CHAC2: variants seen among roughly 807,000 people sequenced by gnomAD.
The protein encoded by CHAC2 is ChaC glutathione specific gamma-glutamylcyclotransferase 2.
In CHAC2, 20 loss-of-function variants were observed where a neutral mutation model predicts 16.9. That is an observed-to-expected ratio of 1.18 (90% confidence interval 0.83 to 1.72). The LOEUF (loss-of-function observed/expected upper bound fraction) is 1.72. CHAC2 is among the 40% of genes most tolerant of loss of function. The probability of loss-of-function intolerance (pLI) is 0.00; values close to 1 mark genes in which losing one functional copy is unlikely to be tolerated. For synonymous variants in CHAC2, 91 were observed against 77.3 expected (o/e 1.18, Z -0.93); for missense variants, 269 against 222.2 (o/e 1.21, Z -1.34).
chr2:53,770,507 A>G (rs1255836853), intron 1 of CHAC2, among the ~76,000 whole-genome samples: 3 of 151,160 alleles, frequency 2.0e-5, no homozygotes, highest in Non-Finnish European at 3.0e-5. Context: ...TTAAAAAAAA[A>G]AAAAAAAAAA....
rs1417278370 is a variant in CHAC2, at chr2:53,775,024, AG to A, written c.*500del. On this transcript the variant is annotated 3_prime_UTR_variant, in exon 3 of 3. Transcript: ENST00000295304. Reference sequence around the variant, plus strand: ...TAATTGTGAATTTCCTTGTTATTCAAGTATTAAATGAAATCTTTTGAGTTTT... The same window carrying A: ...TAATTGTGAATTTCCTTGTTATTCAATATTAAATGAAATCTTTTGAGTTTT... 6.5e-6 allele frequency: 1 copy of A among 152,718 alleles called. No homozygotes were observed. The highest frequency in any genetic ancestry group is 1.5e-5 in the Non-Finnish European group (1 of 68,072). 9.5% of individuals were successfully genotyped at this position (152,718 alleles called of 1,614,324 possible). A position where few individuals can be genotyped will look rare whatever the true frequency, so the allele number is the denominator to read the frequency against.
At chr2:53,771,156 C>T (rs765994751) in intron 1 of CHAC2, among the ~76,000 whole-genome samples, 34 of 152,170 alleles carry the variant, frequency 2.2e-4, no homozygotes, top group Admixed American at 6.6e-4. Context: ...TTTTGATCCA[C>T]TAAATTTGAA....
chr2:53,768,987 A>G (rs1314644290), intron 1 of CHAC2, among the ~76,000 whole-genome samples: 2 of 152,230 alleles, frequency 1.3e-5, no homozygotes, highest in African/African-American at 2.4e-5. Context: ...AAGAACCTGA[A>G]TTAGAAACCA....
rs1279204435 is a variant in CHAC2 at position 53,774,299 on chromosome 2, T to C, written c.329T>C (p.Ile110Thr). The change falls in exon 3 of 3, where the codon ATT becomes ACT. Residue 110 changes from isoleucine to threonine, a missense_variant. Transcript: ENST00000295304. ...AAACCATTCAGTGTATTGCTATATA[T>C]TGGAACATGTGATAATCCTGATTAT... ...TTKPFSVLLY[I>T]GTCDNPDYLG... 2.5e-6 allele frequency: 4 copies of C among 1,614,080 alleles called. No individual in the cohort carries two copies. The highest frequency in any genetic ancestry group is 2.2e-5 in the South Asian group (2 of 91,028).
At chr2:53,771,884 T>G in intron 1 of CHAC2, 23 bp from the exon 2 acceptor site, 2 of 1,504,896 alleles carry the variant, frequency 1.3e-6, no homozygotes, top group Non-Finnish European at 1.8e-6. Flanking sequence ...TCAGAAAAAT[T>G]TTTTTTTACC....
chr2:53,771,013 T>C (rs1199773601), intron 1 of CHAC2, among the ~76,000 whole-genome samples: 2 of 152,238 alleles, frequency 1.3e-5, no homozygotes, highest in Non-Finnish European at 2.9e-5. Flanking sequence ...TCTTAAAGTA[T>C]GAGCCCCAGA....
At position 53,767,981 on chromosome 2, in the gene CHAC2, T is replaced by G; in HGVS notation, c.95T>G (p.Phe32Cys). 6.2e-7 allele frequency: 1 copy of G among 1,611,656 alleles called. No individual in the cohort carries two copies. Among genetic ancestry groups the G allele is most frequent in the Non-Finnish European group, 8.5e-7 (1 of 1,177,716 alleles). ...TACATCACCAACTACAGCAGGCGCTTCTGGCAGGGCAGCACGGACCACCGC... is the reference window on the plus strand; with the variant it reads ...TACATCACCAACTACAGCAGGCGCTGCTGGCAGGGCAGCACGGACCACCGC... ...VGYITNYSRR[F>C]WQGSTDHRGV... is the part of the protein sequence containing the mutation. The change falls in exon 1 of 3, where the codon TTC becomes TGC. Residue 32 changes from phenylalanine to cysteine, a missense_variant. Coordinates refer to ENST00000295304, the MANE Select transcript of CHAC2 (RefSeq NM_001008708.4).
Position 53,774,236 on chromosome 2 carries a change from C to A in CHAC2, c.266C>A (p.Thr89Asn). 6.2e-7 allele frequency: 1 copy of A among 1,614,090 alleles called. No individual in the cohort carries two copies. Among genetic ancestry groups the A allele is most frequent in the Non-Finnish European group, 8.5e-7 (1 of 1,180,008 alleles). ...TTCAGAGAAAAAGGAGGCTACAGAA[C>A]CACAACAGTCATTTTTTATCCAAAA... ...LDFREKGGYR[T>N]TTVIFYPKDP... Residue 89 changes from threonine to asparagine, a missense_variant, in exon 3 of 3, where the codon ACC (threonine) becomes AAC (asparagine). Coordinates refer to ENST00000295304, the MANE Select transcript of CHAC2 (RefSeq NM_001008708.4).
At position 53,767,890 on chromosome 2, in the gene CHAC2, T is replaced by C. The variant is rs1288175097; in HGVS notation, c.4T>C (p.Trp2Arg). 1 of 1,610,272 alleles carries C rather than the reference T, an allele frequency of 6.2e-7. No homozygotes were observed. The highest frequency in any genetic ancestry group is 2.2e-5 in the East Asian group (1 of 44,722). Reference protein sequence around the residue: MWVFGYGSLIWK... With the variant: MRVFGYGSLIWK... Reference sequence around the variant, plus strand: ...GGGGCAGAGGAGCCGCGAGAAGATGTGGGTTTTTGGTTACGGGTCCCTGAT... The same window carrying C: ...GGGGCAGAGGAGCCGCGAGAAGATGCGGGTTTTTGGTTACGGGTCCCTGAT... Residue 2 changes from tryptophan to arginine, a missense_variant, in exon 1 of 3, where the codon TGG (tryptophan) becomes CGG (arginine). Coordinates refer to ENST00000295304, the MANE Select transcript of CHAC2 (RefSeq NM_001008708.4).
intron 1 of CHAC2, 58 bp from the exon 2 acceptor site, chr2:53,771,849 C>T (rs572670535): frequency 3.3e-6 from 3 of 915,200 alleles, no homozygotes; most frequent in East Asian, 2.5e-5. Flanking sequence ...TGCTAATGCT[C>T]AGCTACTTAA....
At position 53,771,929 on chromosome 2, in the gene CHAC2, T is replaced by A. The variant is rs767257050; in HGVS notation, c.158T>A (p.Val53Asp). ...CAGCCTGGAAGAGTTGTGACTCTTG[T>A]TGAAGATCCTGCGGTATGGTATAAA... is the stretch of plus-strand genomic sequence containing the variant. Reference protein sequence around the residue: ...PGKPGRVVTLVEDPAGCVWGV... With the variant: ...PGKPGRVVTLDEDPAGCVWGV... Residue 53 changes from valine (V) to aspartate (D), a missense_variant, in exon 2 of 3, where the codon GTT becomes GAT. By Grantham distance (152) the Val-to-Asp change is radical (BLOSUM62 -3). Coordinates refer to ENST00000295304, the MANE Select transcript of CHAC2 (RefSeq NM_001008708.4). 6.4e-7 allele frequency: 1 copy of A among 1,563,850 alleles called. No homozygotes were observed. Among genetic ancestry groups the A allele is most frequent in the Non-Finnish European group, 8.7e-7 (1 of 1,150,044 alleles).
At chr2:53,773,146 T>A (rs1490168205) in intron 2 of CHAC2, among the ~76,000 whole-genome samples, 2 of 152,160 alleles carry the variant, frequency 1.3e-5, no homozygotes, top group African/African-American at 4.8e-5. Flanking sequence ...ATAAAAAAGA[T>A]CTTCAAATTG....
Position 53,771,958 on chromosome 2 carries a change from T to C in CHAC2, c.171+16T>C. ...AGATCCTGCGGTATGGTATAAATAT[T>C]CTTTTTTGTATAATTTTAATTTTAT... On this transcript the variant is annotated intron_variant, in intron 2 of 2. Coordinates refer to ENST00000295304, the MANE Select transcript of CHAC2 (RefSeq NM_001008708.4). The C allele has an allele frequency of 5.0e-6, 7 of 1,396,736 alleles. No homozygotes were observed. Among genetic ancestry groups the C allele is most frequent in the Non-Finnish European group, 6.9e-6 (7 of 1,020,790 alleles). The allele number at this position is 1,396,736 out of a possible 1,614,324, so 86.5% of individuals were successfully genotyped here.
At position 53,774,894 on chromosome 2, in the gene CHAC2, T is replaced by C. The variant is rs567217961; in HGVS notation, c.*369T>C. 6.1e-6 allele frequency: 1 copy of C among 164,812 alleles called. No individual in the cohort carries two copies. Among genetic ancestry groups the C allele is most frequent in the Admixed American group, 6.1e-5 (1 of 16,512 alleles). The allele number at this position is 164,812 out of a possible 1,614,324, so 10.2% of individuals were successfully genotyped here. ...CAAAATTCCAATAAATATAAGGTTATGCCTTCAATATATTCCTATACAATT... is the reference window on the plus strand; with the variant it reads ...CAAAATTCCAATAAATATAAGGTTACGCCTTCAATATATTCCTATACAATT... On this transcript the variant is annotated 3_prime_UTR_variant, in exon 3 of 3. Transcript: ENST00000295304.
intron 1 of CHAC2, among the ~76,000 whole-genome samples, chr2:53,768,746 T>C (rs1282355916): frequency 6.6e-6 from 1 of 152,246 alleles, no homozygotes; most frequent in African/African-American, 2.4e-5. Flanking sequence ...TGATTCACTT[T>C]TCAGTCAGTC....
At chr2:53,771,438 G>A (rs746695960) in intron 1 of CHAC2, among the ~76,000 whole-genome samples, 11 of 152,122 alleles carry the variant, frequency 7.2e-5, no homozygotes, top group Non-Finnish European at 1.2e-4. Context: ...GCTTGAGCCC[G>A]AGAGTTGGAG....
intron 1 of CHAC2, 33 bp downstream of exon 1, chr2:53,768,054 C>T (rs763972378): frequency 2.5e-6 from 4 of 1,607,494 alleles, no homozygotes; most frequent in East Asian, 2.2e-5. Context: ...ACACTTACTG[C>T]CCCCTGACCC....
chr2:53,774,674 G>A lies in CHAC2; in HGVS notation c.*149G>A, dbSNP rs1674209618. ...TCCTGAAACACATATTTAAAATATT[G>A]GGATACAGTGAAAGAAAAATTCAAA... On this transcript the variant is annotated 3_prime_UTR_variant, in exon 3 of 3. Coordinates refer to ENST00000295304, the MANE Select transcript of CHAC2 (RefSeq NM_001008708.4). The A allele has an allele frequency of 7.0e-6, 4 of 574,672 alleles. No homozygotes were observed. The highest frequency in any genetic ancestry group is 8.3e-6 in the Non-Finnish European group (3 of 361,626). The allele number at this position is 574,672 out of a possible 1,614,324, so 35.6% of individuals were successfully genotyped here.
At chr2:53,773,364 C>T (rs998907039) in intron 2 of CHAC2, among the ~76,000 whole-genome samples, 26 of 150,554 alleles carry the variant, frequency 1.7e-4, no homozygotes, top group Non-Finnish European at 3.7e-4. Flanking sequence ...TTTTAAAGTG[C>T]TTATTTCCTT....
Sources: allele counts gnomAD v4.1 joint callset (sites outside exome capture counted in the v4.1 genomes callset), GRCh38; gene constraint gnomAD v4.1.1; transcripts MANE v1.5; gene names NCBI Gene and HGNC (gene_info 2026-07-23, HGNC 2026-07-21).